Variants in DGKB observed in about 807,000 individuals in gnomAD.
DGKB encodes the protein 90 kDa diacylglycerol kinase.
Under a neutral mutation model 114.3 loss-of-function variants are expected in DGKB, and 67 were observed. The ratio of observed to expected loss-of-function variants is 0.59; its 90% CI spans 0.48 to 0.72. The LOEUF (loss-of-function observed/expected upper bound fraction) is 0.72. Among genes scored for constraint, DGKB ranks in the 30% least tolerant of loss-of-function variants. The pLI is 0.00. For missense variants in DGKB, 907 were observed against 975.2 expected (o/e 0.93, Z 0.93); for synonymous variants, 398 against 323.1 (o/e 1.23, Z -2.49).
At chr7:14,229,867 A>G (rs1477214588) in intron 23 of DGKB, among the ~76,000 whole-genome samples, 1 of 152,022 alleles carries the variant, frequency 6.6e-6, no homozygotes, top group Non-Finnish European at 1.5e-5. Context: ...AAAAACATGT[A>G]AAAATAAATA....
At chr7:14,907,054 T>C (rs1214239202), upstream of DGKB, among the ~76,000 whole-genome samples, 4 of 152,198 alleles carry the variant, frequency 2.6e-5, no homozygotes, top group African/African-American at 9.6e-5. Context: ...CTTCCTAAAT[T>C]TAACAAAGTG....
intron 13 of DGKB, among the ~76,000 whole-genome samples, chr7:14,641,376 T>G (rs1477019654): frequency 6.6e-6 from 1 of 152,072 alleles, no homozygotes; most frequent in African/African-American, 2.4e-5. Context: ...TTGTTGTTGC[T>G]GTTGTTACTG....
intron 21 of DGKB, among the ~76,000 whole-genome samples, chr7:14,435,955 C>T (rs1694276106): frequency 6.6e-6 from 1 of 151,956 alleles, no homozygotes; most frequent in Non-Finnish European, 1.5e-5. Context: ...TAGACTATGA[C>T]TTAGAATAAT....
intron 21 of DGKB, among the ~76,000 whole-genome samples, chr7:14,390,232 T>C (rs1421599295): frequency 6.6e-6 from 1 of 152,188 alleles, no homozygotes; most frequent in African/African-American, 2.4e-5. Flanking sequence ...ACTCCTGTGA[T>C]TCTGAACAGT....
At chr7:14,945,382 A>T (rs1262581019) in intron 1 of DGKB, among the ~76,000 whole-genome samples, 1 of 151,824 alleles carries the variant, frequency 6.6e-6, no homozygotes, top group Non-Finnish European at 1.5e-5. Flanking sequence ...TAGTTCGTGA[A>T]TGTGGTTCTG....
chr7:14,273,408 A>G (rs1404061971), intron 23 of DGKB, among the ~76,000 whole-genome samples: 1 of 152,142 alleles, frequency 6.6e-6, no homozygotes, highest in Non-Finnish European at 1.5e-5. Context: ...AGGATACATG[A>G]TAATATGTTT....
chr7:14,275,113 G>A (rs1057502722), intron 23 of DGKB, among the ~76,000 whole-genome samples: 11 of 152,144 alleles, frequency 7.2e-5, no homozygotes, highest in African/African-American at 2.7e-4. Flanking sequence ...CCTCTGGGCA[G>A]AAATAATTCA....
intron 20 of DGKB, among the ~76,000 whole-genome samples, chr7:14,564,849 C>A (rs1797163024): frequency 6.6e-6 from 1 of 151,988 alleles, no homozygotes; most frequent in South Asian, 2.1e-4. Context: ...CCCATGCCAT[C>A]TTCTTCTAGT....
chr7:14,473,310 A>G (rs187430960), intron 21 of DGKB, among the ~76,000 whole-genome samples: 2 of 152,316 alleles, frequency 1.3e-5, no homozygotes, highest in Admixed American at 1.3e-4. Context: ...AGAGGGTGCA[A>G]GGCTCAAGCC....
chr7:14,287,004 G>A (rs923986920), intron 23 of DGKB, among the ~76,000 whole-genome samples: 4 of 151,790 alleles, frequency 2.6e-5, no homozygotes, highest in Admixed American at 6.6e-5. Flanking sequence ...ACAACAAAAC[G>A]TGTTATTTTT....
intron 4 of DGKB, among the ~76,000 whole-genome samples, chr7:14,745,357 C>G (rs1006699045): frequency 6.6e-6 from 1 of 152,152 alleles, no homozygotes; most frequent in African/African-American, 2.4e-5. Flanking sequence ...GAGCAGGAAG[C>G]AGTTAAGATC....
intron 1 of DGKB, among the ~76,000 whole-genome samples, chr7:14,946,734 G>A (rs1758370072): frequency 6.6e-6 from 1 of 151,700 alleles, no homozygotes; most frequent in Non-Finnish European, 1.5e-5. Context: ...AAACTGGAAA[G>A]CCTCTTCGGT....
At chr7:14,382,451 TAC>T (rs4027189) in intron 21 of DGKB, among the ~76,000 whole-genome samples, 99,774 of 150,596 alleles carry the variant, frequency 0.66, 34,067 homozygotes, top group Non-Finnish European at 0.75. Context: ...TGCATGCCTG[TAC>T]ACACACACAC....
At chr7:14,293,940 G>C (rs1459273344) in intron 23 of DGKB, among the ~76,000 whole-genome samples, 1 of 152,032 alleles carries the variant, frequency 6.6e-6, no homozygotes, top group East Asian at 1.9e-4. Flanking sequence ...TACTAATTTA[G>C]TGGCTTAAAG....
chr7:14,709,100 A>C (rs1424382901), intron 6 of DGKB, among the ~76,000 whole-genome samples: 1 of 148,998 alleles, frequency 6.7e-6, no homozygotes, highest in African/African-American at 2.5e-5. Context: ...ATCTACAATG[A>C]ACTCAAACAA....
chr7:14,859,914 C>G lies in DGKB; in HGVS notation c.-187-18464G>C, dbSNP rs564472932. On this transcript the variant is annotated intron_variant, in intron 1 of 25. Transcript: ENST00000402815. ...GTTGATTGGACACAGCACCAACTTTCACCGAAGTTGTACCCAAAGCCCAGA... is the reference window on the plus strand; with the variant it reads ...GTTGATTGGACACAGCACCAACTTTGACCGAAGTTGTACCCAAAGCCCAGA... 1.4e-3 allele frequency among the ~76,000 whole-genome samples: 207 copies of G among 152,138 alleles called. No individual in the cohort carries two copies. In the Middle Eastern group the frequency reaches 0.02, roughly 15 times the overall value.
intron 21 of DGKB, among the ~76,000 whole-genome samples, chr7:14,404,128 G>C (rs10227809): frequency 0.012 from 1,794 of 151,066 alleles, 28 homozygotes; most frequent in African/African-American, 0.041. Flanking sequence ...TACTTATTTA[G>C]TGAGGTTGGA....
intron 21 of DGKB, among the ~76,000 whole-genome samples, chr7:14,395,674 T>C (rs1204962957): frequency 1.3e-5 from 2 of 151,836 alleles, no homozygotes; most frequent in Admixed American, 6.6e-5. Context: ...AAACATGTAA[T>C]ATTCTGTATT....
chr7:14,505,885 A>C (rs1464938418), intron 20 of DGKB, among the ~76,000 whole-genome samples: 1 of 152,158 alleles, frequency 6.6e-6, no homozygotes, highest in Non-Finnish European at 1.5e-5. Context: ...TGGATTCCAA[A>C]GGCAGGGCAA....
Sources: gnomAD v4.1 joint callset for allele counts (sites outside exome capture counted in the v4.1 genomes callset) on GRCh38, gnomAD v4.1.1 for gene constraint, MANE v1.5 for transcripts, NCBI Gene and HGNC (gene_info 2026-07-23, HGNC 2026-07-21) for gene names.